SCHIP1: variants seen among roughly 807,000 people sequenced by gnomAD.
SCHIP1 encodes the protein schwannomin-interacting protein 1.
In SCHIP1, 8 loss-of-function variants were observed where a neutral mutation model predicts 29.7. That is an observed-to-expected ratio of 0.27 (90% CI 0.16 to 0.49). The LOEUF is 0.49. Ranked by LOEUF, SCHIP1 falls within the 20% of genes least tolerant of loss-of-function variation. The probability of loss-of-function intolerance (pLI) is 0.99; values close to 1 mark genes in which losing one functional copy is unlikely to be tolerated. For synonymous variants in SCHIP1, 76 were observed against 94.9 expected, an observed-to-expected ratio of 0.80 and a Z score of 1.16; for missense variants, 193 against 294.6, an observed-to-expected ratio of 0.66 and a Z score of 2.52.
chr3:159,404,436 CA>C, the SCHIP1 span, among the ~76,000 whole-genome samples: 4 of 152,104 alleles, frequency 2.6e-5, no homozygotes, highest in African/African-American at 9.7e-5. Flanking sequence ...GGCCTAGAAA[CA>C]TCTACCACAA....
the SCHIP1 span, among the ~76,000 whole-genome samples, chr3:159,372,367 A>G: frequency 6.6e-6 from 1 of 152,174 alleles, no homozygotes; most frequent in Non-Finnish European, 1.5e-5. Context: ...GCGTTAATAA[A>G]GAGCTAAGAT....
the SCHIP1 span, among the ~76,000 whole-genome samples, chr3:159,647,987 T>G: frequency 4.3e-3 from 659 of 152,242 alleles, 6 homozygotes; most frequent in African/African-American, 0.015. Context: ...GGCAAACCAC[T>G]TCTTCCGCTA....
At chr3:159,467,705 A>G in the SCHIP1 span, among the ~76,000 whole-genome samples, 26 of 152,278 alleles carry the variant, frequency 1.7e-4, no homozygotes, top group South Asian at 5.4e-3. Context: ...TTTTTATTGT[A>G]TAAAGTCTTG....
chr3:159,417,287 C>T, the SCHIP1 span, among the ~76,000 whole-genome samples: 1 of 152,282 alleles, frequency 6.6e-6, no homozygotes, highest in African/African-American at 2.4e-5. Flanking sequence ...TTAGGAGACT[C>T]AATTGGCAGA....
At chr3:159,360,251 G>A in the SCHIP1 span, among the ~76,000 whole-genome samples, 1 of 152,076 alleles carries the variant, frequency 6.6e-6, no homozygotes, top group Admixed American at 6.5e-5. Flanking sequence ...CTTCTAAATG[G>A]GGAATGTCAT....
intron 1 of SCHIP1, chr3:159,853,532 G>A: frequency 3.4e-6 from 2 of 594,546 alleles, no homozygotes; most frequent in East Asian, 3.0e-5. Flanking sequence ...CCCTTGAGGA[G>A]TGGCCAAATT....
chr3:159,522,367 G>A, the SCHIP1 span, among the ~76,000 whole-genome samples: 1 of 152,296 alleles, frequency 6.6e-6, no homozygotes, highest in South Asian at 2.1e-4. Context: ...AAAGCATAGG[G>A]CGTGTGTCTC....
At chr3:159,794,951 C>A in the SCHIP1 span, among the ~76,000 whole-genome samples, 3 of 152,148 alleles carry the variant, frequency 2.0e-5, no homozygotes, top group African/African-American at 7.2e-5. Flanking sequence ...GGGACCCACT[C>A]CTAGAGATTC....
chr3:159,660,098 A>C, the SCHIP1 span, among the ~76,000 whole-genome samples: 1 of 152,176 alleles, frequency 6.6e-6, no homozygotes, highest in Admixed American at 6.5e-5. Flanking sequence ...CCAGTGAATT[A>C]GAGTATTTTT....
At chr3:159,697,841 C>A in the SCHIP1 span, among the ~76,000 whole-genome samples, 1 of 152,132 alleles carries the variant, frequency 6.6e-6, no homozygotes, top group African/African-American at 2.4e-5. Flanking sequence ...TAGTTACAGT[C>A]CAAAAATTAC....
chr3:159,797,032 C>T, the SCHIP1 span, among the ~76,000 whole-genome samples: 1 of 152,202 alleles, frequency 6.6e-6, no homozygotes, highest in African/African-American at 2.4e-5. Context: ...TCTACATGTT[C>T]AACCTCAAAC....
the SCHIP1 span, among the ~76,000 whole-genome samples, chr3:159,493,464 A>C: frequency 6.6e-6 from 1 of 152,196 alleles, no homozygotes; most frequent in Non-Finnish European, 1.5e-5. Context: ...AGTCTTGGAT[A>C]AAACAGACTT....
At chr3:159,402,292 A>G in the SCHIP1 span, among the ~76,000 whole-genome samples, 7 of 152,184 alleles carry the variant, frequency 4.6e-5, no homozygotes, top group African/African-American at 1.7e-4. Context: ...CAGGTGCTGG[A>G]GAGGATGTGG....
the SCHIP1 span, among the ~76,000 whole-genome samples, chr3:159,637,400 C>T: frequency 6.6e-6 from 1 of 151,560 alleles, no homozygotes; most frequent in East Asian, 1.9e-4. Context: ...CACACACACA[C>T]ACACACACAC....
At chr3:159,326,490 G>A in the SCHIP1 span, among the ~76,000 whole-genome samples, 31 of 151,862 alleles carry the variant, frequency 2.0e-4, no homozygotes, top group African/African-American at 7.5e-4. Context: ...ATCTCTTTTT[G>A]CATCTCTGCC....
chr3:159,288,406 T>C, the SCHIP1 span, among the ~76,000 whole-genome samples: 7 of 152,164 alleles, frequency 4.6e-5, no homozygotes, highest in Admixed American at 2.6e-4. Flanking sequence ...ACCATTGAAA[T>C]CACAGATGAC....
chr3:159,284,349 C>T, the SCHIP1 span, among the ~76,000 whole-genome samples: 3 of 152,012 alleles, frequency 2.0e-5, no homozygotes, highest in Non-Finnish European at 4.4e-5. Context: ...TCTGCATACT[C>T]CTTTATTACT....
At chr3:159,343,891 T>C in the SCHIP1 span, among the ~76,000 whole-genome samples, 1 of 152,254 alleles carries the variant, frequency 6.6e-6, no homozygotes, top group African/African-American at 2.4e-5. Context: ...GTAGTGTTTC[T>C]GTTTTTATGG....
chr3:159,551,112 A>G, the SCHIP1 span, among the ~76,000 whole-genome samples: 5 of 152,092 alleles, frequency 3.3e-5, no homozygotes, highest in African/African-American at 7.2e-5. Context: ...GTACAGATGG[A>G]TGGCTAAACA....
Sources: allele counts gnomAD v4.1 joint callset (sites outside exome capture counted in the v4.1 genomes callset), GRCh38; gene constraint gnomAD v4.1.1; transcripts MANE v1.5; gene names NCBI Gene and HGNC (gene_info 2026-07-23, HGNC 2026-07-21).